The following THRA variants were observed in gnomAD, a reference collection of about 807,000 sequenced individuals.
THRA encodes the protein EAR-7.
THRA carries 13 observed loss-of-function variants against 45.0 expected under a neutral mutation model. That is an observed-to-expected ratio of 0.29 (90% confidence interval 0.19 to 0.46). THRA has a LOEUF of 0.46. Ranked by LOEUF, THRA falls within the 20% of genes least tolerant of loss-of-function variation. The pLI is 1.00. For missense variants in THRA, 278 were observed against 556.1 expected (o/e 0.50, Z 5.03); for synonymous variants, 195 against 214.0 (o/e 0.91, Z 0.78).
At chr17:40,083,355 C>T (rs755518413) in intron 4 of THRA, among the ~76,000 whole-genome samples, 3 of 152,216 alleles carry the variant, frequency 2.0e-5, no homozygotes, top group Non-Finnish European at 4.4e-5. Context: ...GCATGAGCCA[C>T]TGCACCCAAC....
At chr17:40,063,624 C>G (rs986137968) in intron 1 of THRA, among the ~76,000 whole-genome samples, 1 of 152,210 alleles carries the variant, frequency 6.6e-6, no homozygotes, top group Non-Finnish European at 1.5e-5. Context: ...TCACCCGCCT[C>G]CCGGTTGAGC....
intron 6 of THRA, among the ~76,000 whole-genome samples, chr17:40,085,361 A>G (rs1987285262): frequency 6.6e-6 from 1 of 151,314 alleles, no homozygotes. Flanking sequence ...TTTGATACGG[A>G]GTCTCACTCT....
intron 4 of THRA, among the ~76,000 whole-genome samples, chr17:40,079,677 C>T (rs755242902): frequency 2.6e-5 from 4 of 152,194 alleles, no homozygotes; most frequent in Non-Finnish European, 5.9e-5. Flanking sequence ...CCCGGTGGCA[C>T]TGTTTTAAAC....
At chr17:40,078,877 A>G (rs1567651812) in intron 4 of THRA, among the ~76,000 whole-genome samples, 1 of 151,814 alleles carries the variant, frequency 6.6e-6, no homozygotes, top group Non-Finnish European at 1.5e-5. Context: ...GACTACAGGC[A>G]CCTGCCACCA....
chr17:40,066,532 C>T (rs192268101), intron 1 of THRA, among the ~76,000 whole-genome samples: 2,359 of 151,916 alleles, frequency 0.016, 28 homozygotes, highest in Non-Finnish European at 0.022. Flanking sequence ...GGTGTGGTGG[C>T]GGGGTCCTGT....
At chr17:40,082,131 A>G (rs1215970977) in intron 4 of THRA, among the ~76,000 whole-genome samples, 3 of 151,198 alleles carry the variant, frequency 2.0e-5, no homozygotes, top group East Asian at 1.9e-4. Context: ...GGCAACATAT[A>G]TGAGAATGGT....
chr17:40,069,081 T>G (rs548523350), intron 1 of THRA: 1 of 147,894 alleles, frequency 6.8e-6, no homozygotes, highest in Non-Finnish European at 1.5e-5. Context: ...GCTCTCTCCC[T>G]CCCTCTCTCC....
intron 4 of THRA, among the ~76,000 whole-genome samples, chr17:40,081,909 G>A (rs1987149540): frequency 6.6e-6 from 1 of 151,870 alleles, no homozygotes; most frequent in South Asian, 2.1e-4. Context: ...GTTGCAGTAA[G>A]CTGAGATCAC....
At position 40,087,494 on chromosome 17, in the gene THRA, C is replaced by A. The variant is rs373415282; in HGVS notation, c.723+641C>A. Among the ~76,000 whole-genome samples the A allele has an allele frequency of 3.3e-5, 5 of 152,144 alleles. No individual in the cohort carries two copies. The East Asian group carries it at 9.6e-4, about 29-fold the overall frequency. On this transcript the variant is annotated intron_variant, in intron 7 of 8. Transcript: ENST00000450525. ...ACACAAACACACAGGCACACACACA[C>A]AGCATACAGACACACGCCAAGGTCT...
In THRA at chr17:40,088,398, G is replaced by A. The variant is rs776268798; in HGVS notation, c.880G>A (p.Val294Ile). 4 of 1,614,144 alleles carry A rather than the reference G, an allele frequency of 2.5e-6. No homozygotes were observed. Among genetic ancestry groups the A allele is most frequent in the East Asian group, 2.2e-5 (1 of 44,884 alleles). ...REQLKNGGLGVVSDAIFELGK... is the reference protein window; with the variant it reads ...REQLKNGGLGIVSDAIFELGK... The stretch of plus-strand genomic sequence containing the variant: ...GCAGCTCAAGAATGGCGGCCTGGGC[G>A]TAGTCTCCGACGCCATCTTTGAACT... Residue 294 changes from valine (V) to isoleucine (I), a missense_variant, in exon 8 of 9, where the codon GTA becomes ATA. Physicochemically the swap from Val to Ile is conservative, Grantham distance 29. Around this residue, in one of 6 missense-constraint regions of THRA, gnomAD observed 33 missense variants for 133.2 expected, o/e 0.25. Coordinates refer to ENST00000450525, the MANE Select transcript of THRA (RefSeq NM_199334.5).
chr17:40,064,894 C>T (rs1223018822), intron 1 of THRA, among the ~76,000 whole-genome samples: 1 of 152,224 alleles, frequency 6.6e-6, no homozygotes, highest in Non-Finnish European at 1.5e-5. Flanking sequence ...TGCAGGTCCA[C>T]ACCAACAGTC....
At chr17:40,082,448 C>T (rs986654888) in intron 4 of THRA, among the ~76,000 whole-genome samples, 2 of 150,198 alleles carry the variant, frequency 1.3e-5, no homozygotes, top group Non-Finnish European at 3.0e-5. Context: ...GAGTGCAATG[C>T]GAGCTCCACC....
At chr17:40,069,601 G>C (rs753523733) in intron 1 of THRA, among the ~76,000 whole-genome samples, 1 of 152,106 alleles carries the variant, frequency 6.6e-6, no homozygotes, top group Non-Finnish European at 1.5e-5. Flanking sequence ...TGCTGGGGGA[G>C]GGTGGGGAGA....
intron 2 of THRA, 79 bp from the exon 3 acceptor site, chr17:40,076,792 G>A (rs1986970207): frequency 8.2e-6 from 12 of 1,459,088 alleles, no homozygotes; most frequent in African/African-American, 1.4e-5. Flanking sequence ...AGGCCTTGGG[G>A]GATTGCATAA....
At chr17:40,084,362 G>A (rs560500368) in intron 5 of THRA, 7 of 529,258 alleles carry the variant, frequency 1.3e-5, no homozygotes, top group Middle Eastern at 4.9e-4. Context: ...AGTAACCACC[G>A]TCACCATAAT....
intron 1 of THRA, among the ~76,000 whole-genome samples, chr17:40,072,837 G>C (rs1371994351): frequency 1.3e-5 from 2 of 152,104 alleles, no homozygotes; most frequent in African/African-American, 4.8e-5. Context: ...CACAAGCCAA[G>C]AAAAACTTGA....
intron 4 of THRA, among the ~76,000 whole-genome samples, chr17:40,081,406 G>A (rs781645899): frequency 9.9e-5 from 15 of 151,966 alleles, no homozygotes; most frequent in Non-Finnish European, 1.9e-4. Flanking sequence ...GATTATAGGT[G>A]CACGCCACAA....
At position 40,074,623 on chromosome 17, in the gene THRA, C is replaced by T. The variant is rs938465547; in HGVS notation, c.53+82C>T. On this transcript the variant is annotated intron_variant, in intron 2 of 8. Transcript: ENST00000450525. ...GGCTGAGCTCTCCTTTAGGCACCGCCTTTAAGCACCTCTGTGGGATGGACG... is the reference window on the plus strand; with the variant it reads ...GGCTGAGCTCTCCTTTAGGCACCGCTTTTAAGCACCTCTGTGGGATGGACG... 3 of 1,460,544 alleles carry T rather than the reference C, an allele frequency of 2.1e-6. No homozygotes were observed. In the African/African-American group the frequency reaches 4.2e-5, roughly 20 times the overall value. 90.5% of individuals were successfully genotyped at this position (1,460,544 alleles called of 1,614,324 possible).
chr17:40,093,469 C>G, downstream of THRA: 1 of 1,490,998 alleles, frequency 6.7e-7, no homozygotes, highest in South Asian at 1.3e-5. This position sits in a 1 kb window ranked among gnomAD's most constrained non-coding sequence, Gnocchi z 5.9. Flanking sequence ...TGCCTGAAAG[C>G]TGGGAGCGTG....
Sources: gnomAD v4.1 joint callset for allele counts (sites outside exome capture counted in the v4.1 genomes callset) on GRCh38, gnomAD v4.1.1 for gene constraint, gnomAD v4.1.1 regional missense constraint, Gnocchi (gnomAD v3.1) non-coding constraint, MANE v1.5 for transcripts, NCBI Gene and HGNC (gene_info 2026-07-23, HGNC 2026-07-21) for gene names.